NXPE4: variants seen among roughly 807,000 people sequenced by gnomAD.
The protein encoded by NXPE4 is NXPE family member 4.
A neutral mutation model predicts 33.3 loss-of-function variants in NXPE4; 42 were observed. That is an observed-to-expected ratio of 1.26 (90% CI 0.98 to 1.63). The LOEUF is 1.63. Ranked by LOEUF, NXPE4 falls within the 40% of genes most tolerant of loss-of-function variation. NXPE4 has a pLI of 0.00. For missense variants in NXPE4, 709 were observed against 647.6 expected (o/e 1.09, Z -1.03); for synonymous variants, 253 against 234.9 (o/e 1.08, Z -0.71).
chr11:114,607,678 A>C, the NXPE4 span, among the ~76,000 whole-genome samples: 1 of 148,484 alleles, frequency 6.7e-6, no homozygotes, highest in Admixed American at 6.7e-5. Context: ...ATAAGTGTTG[A>C]GTTGCGGGTA....
At chr11:114,638,593 G>T in the NXPE4 span, among the ~76,000 whole-genome samples, 1 of 151,954 alleles carries the variant, frequency 6.6e-6, no homozygotes, top group Admixed American at 6.6e-5. Flanking sequence ...CATCTTTGTG[G>T]TTTTATCTAC....
the NXPE4 span, among the ~76,000 whole-genome samples, chr11:114,624,936 C>A: frequency 6.7e-6 from 1 of 149,266 alleles, no homozygotes; most frequent in Non-Finnish European, 1.5e-5. Context: ...GTGGATAATA[C>A]GTGTTGCCTC....
chr11:114,654,688 T>G, the NXPE4 span, among the ~76,000 whole-genome samples: 3 of 152,216 alleles, frequency 2.0e-5, no homozygotes, highest in Admixed American at 2.0e-4. Context: ...CCATGGTGTA[T>G]ATATACCATA....
upstream of NXPE4, among the ~76,000 whole-genome samples, chr11:114,597,060 A>G (rs756904214): frequency 2.6e-5 from 4 of 152,158 alleles, no homozygotes; most frequent in African/African-American, 4.8e-5. Flanking sequence ...GGAAGTTGGA[A>G]AAACTATCTT....
At chr11:114,662,239 AG>A in the NXPE4 span, among the ~76,000 whole-genome samples, 3 of 144,838 alleles carry the variant, frequency 2.1e-5, no homozygotes, top group African/African-American at 5.0e-5. Context: ...GGAGAGAGAG[AG>A]AGTGCACAGG....
intron 5 of NXPE4, among the ~76,000 whole-genome samples, chr11:114,574,285 G>C (rs1250741167): frequency 6.6e-6 from 1 of 151,768 alleles, no homozygotes. Context: ...ATAAACTAAT[G>C]TCATAGCTCA....
chr11:114,614,872 C>T, the NXPE4 span, among the ~76,000 whole-genome samples: 1 of 150,988 alleles, frequency 6.6e-6, no homozygotes, highest in Non-Finnish European at 1.5e-5. Context: ...CACTGTTTCC[C>T]AGTGTATAAT....
the NXPE4 span, among the ~76,000 whole-genome samples, chr11:114,625,947 C>A: frequency 1.3e-5 from 2 of 152,270 alleles, no homozygotes; most frequent in East Asian, 3.9e-4. Flanking sequence ...CACTCCCACC[C>A]GAATACTGCA....
chr11:114,647,708 T>TTA, the NXPE4 span, among the ~76,000 whole-genome samples: 6 of 151,476 alleles, frequency 4.0e-5, no homozygotes, highest in African/African-American at 1.5e-4. Flanking sequence ...TTATTTTATT[T>TTA]TTTTTTTTTT....
upstream of NXPE4, among the ~76,000 whole-genome samples, chr11:114,598,326 T>G (rs577473077): frequency 6.6e-6 from 1 of 152,332 alleles, no homozygotes; most frequent in South Asian, 2.1e-4. Flanking sequence ...AGGTGCAGAG[T>G]GCAAGCTGCC....
chr11:114,584,312 A>G, intron 2 of NXPE4: 1 of 509,182 alleles, frequency 2.0e-6, no homozygotes, highest in Non-Finnish European at 4.0e-6. Flanking sequence ...ATGACTAACC[A>G]GAACACTAAT....
chr11:114,600,588 A>G (rs1425958518), upstream of NXPE4, among the ~76,000 whole-genome samples: 1 of 152,134 alleles, frequency 6.6e-6, no homozygotes, highest in Non-Finnish European at 1.5e-5. Context: ...TGTCACAATC[A>G]TGAAAAACCA....
At chr11:114,572,932 T>A (rs923205913) in intron 5 of NXPE4, among the ~76,000 whole-genome samples, 1 of 152,084 alleles carries the variant, frequency 6.6e-6, no homozygotes, top group African/African-American at 2.4e-5. Flanking sequence ...AAAGTCAAGA[T>A]GAAGGAAAAA....
At chr11:114,615,750 G>C in the NXPE4 span, among the ~76,000 whole-genome samples, 1 of 150,818 alleles carries the variant, frequency 6.6e-6, no homozygotes, top group East Asian at 2.0e-4. Flanking sequence ...CTGTTACTCA[G>C]TGGATAATAA....
the NXPE4 span, among the ~76,000 whole-genome samples, chr11:114,632,248 G>C: frequency 1.5e-5 from 2 of 137,138 alleles, no homozygotes; most frequent in Non-Finnish European, 3.1e-5. Context: ...ATGTATATGT[G>C]TATATATGTA....
the NXPE4 span, among the ~76,000 whole-genome samples, chr11:114,663,626 T>TATC: frequency 0.017 from 969 of 55,648 alleles, 6 homozygotes; most frequent in East Asian, 0.031. Context: ...TCTATCTATC[T>TATC]ATCTATCTAT....
the NXPE4 span, among the ~76,000 whole-genome samples, chr11:114,609,232 G>A: frequency 6.6e-6 from 1 of 151,672 alleles, no homozygotes; most frequent in East Asian, 2.0e-4. Flanking sequence ...TGCTTCGTGG[G>A]TAACCACTCT....
At chr11:114,585,716 C>T (rs910687459) in intron 2 of NXPE4, among the ~76,000 whole-genome samples, 1 of 152,064 alleles carries the variant, frequency 6.6e-6, no homozygotes, top group Non-Finnish European at 1.5e-5. Context: ...GTAAAGGAGT[C>T]CTTGGCAAGG....
chr11:114,611,113 G>A, the NXPE4 span, among the ~76,000 whole-genome samples: 1 of 146,500 alleles, frequency 6.8e-6, no homozygotes, highest in Admixed American at 6.9e-5. Flanking sequence ...GAAACCAGTG[G>A]ATAGTTAGTA....
Sources: gnomAD v4.1 joint callset for allele counts (sites outside exome capture counted in the v4.1 genomes callset) on GRCh38, gnomAD v4.1.1 for gene constraint, MANE v1.5 for transcripts, NCBI Gene and HGNC (gene_info 2026-07-23, HGNC 2026-07-21) for gene names.